TBC1D32: variants seen among roughly 807,000 people sequenced by gnomAD.
TBC1D32 encodes TBC1 domain family member 32.
Under a neutral mutation model 170.3 loss-of-function variants are expected in TBC1D32, and 151 were observed. That is an observed-to-expected ratio of 0.89 (90% confidence interval 0.78 to 1.01). The LOEUF (loss-of-function observed/expected upper bound fraction) is 1.01. Ranked by LOEUF, TBC1D32 falls within the 50% of genes least tolerant of loss-of-function variation. TBC1D32 has a pLI of 0.00. For synonymous variants in TBC1D32, 498 were observed against 488.0 expected (o/e 1.02, Z -0.27); for missense variants, 1,464 against 1,457.1 (o/e 1.00, Z -0.08).
At chr6:121,161,384 G>T (rs1785632104) in intron 22 of TBC1D32, among the ~76,000 whole-genome samples, 1 of 152,090 alleles carries the variant, frequency 6.6e-6, no homozygotes, top group Non-Finnish European at 1.5e-5. Context: ...CCCAGTGTGT[G>T]TTGTTCCCCA....
At chr6:121,227,849 GA>G (rs1795261207) in intron 20 of TBC1D32, among the ~76,000 whole-genome samples, 1 of 152,086 alleles carries the variant, frequency 6.6e-6, no homozygotes, top group Admixed American at 6.6e-5. Context: ...CCTGTTTTCT[GA>G]AAAAGCTTGT....
intron 29 of TBC1D32, among the ~76,000 whole-genome samples, chr6:121,108,501 A>G (rs1361711420): frequency 6.6e-6 from 1 of 152,074 alleles, no homozygotes; most frequent in African/African-American, 2.4e-5. Context: ...ATAGTCTAAT[A>G]TATAAACTAC....
chr6:121,270,025 T>C lies in TBC1D32; in HGVS notation c.1733+9096A>G, dbSNP rs563329733. 2.1e-3 allele frequency among the ~76,000 whole-genome samples: 317 copies of C among 151,926 alleles called. 1 individual carries two copies. Among genetic ancestry groups the C allele is most frequent in the African/African-American group, 7.4e-3 (305 of 41,436 alleles). ...TCCTGAATGACTACTGGGTACATAA[T>C]GAAATGAAGGCAGAAATAAAGATGT... On this transcript the variant is annotated intron_variant, in intron 15 of 31. Transcript: ENST00000398212.
Position 121,105,993 on chromosome 6 carries a change from T to A in TBC1D32, c.3465+30A>T, listed in dbSNP as rs1260789496. 6 of 1,552,656 alleles carry A rather than the reference T, an allele frequency of 3.9e-6. No homozygotes were observed. The Admixed American group carries it at 8.7e-5, about 22-fold the overall frequency. ...ATTTGAAGACACTGAGATAAAGGAG[T>A]TGGAGAAATGCTACTCCCTTATGGA... On this transcript the variant is annotated intron_variant, in intron 30 of 31. Coordinates refer to ENST00000398212, the MANE Select transcript of TBC1D32 (RefSeq NM_152730.6).
intron 24 of TBC1D32, among the ~76,000 whole-genome samples, chr6:121,148,826 C>T (rs1393874577): frequency 6.6e-6 from 1 of 152,038 alleles, no homozygotes; most frequent in Non-Finnish European, 1.5e-5. Flanking sequence ...GTTGGCCAGG[C>T]TGGTGTTGAA....
At chr6:121,111,922 T>C (rs1779243874) in intron 29 of TBC1D32, among the ~76,000 whole-genome samples, 1 of 152,034 alleles carries the variant, frequency 6.6e-6, no homozygotes, top group African/African-American at 2.4e-5. Context: ...TAGTTGGAAA[T>C]CTTAACAGCA....
In TBC1D32 at chr6:121,255,418, A is replaced by C; in HGVS notation, c.1936-8T>G. 1.4e-6 allele frequency: 2 copies of C among 1,424,588 alleles called. No individual in the cohort carries two copies. The highest frequency in any genetic ancestry group is 1.9e-6 in the Non-Finnish European group (2 of 1,057,688). 88.2% of individuals were successfully genotyped at this position (1,424,588 alleles called of 1,614,324 possible). ...TTCTGATAGCAAACTTGTCTAAAAAATAGTAGAATAATTTATATTGCTTAC... is the reference window on the plus strand; with the variant it reads ...TTCTGATAGCAAACTTGTCTAAAAACTAGTAGAATAATTTATATTGCTTAC... On this transcript the variant is annotated splice_polypyrimidine_tract_variant and splice_region_variant and intron_variant, in intron 16 of 31. Transcript: ENST00000398212.
At position 121,307,049 on chromosome 6, in the gene TBC1D32, A is replaced by G. The variant is rs1031904285; in HGVS notation, c.690+927T>C. 2.9e-4 allele frequency among the ~76,000 whole-genome samples: 44 copies of G among 151,744 alleles called. 1 individual carries two copies. The highest frequency in any genetic ancestry group is 9.7e-4 in the African/African-American group (40 of 41,308). ...TTTAAAATATTTTTCTTTTTTTTTA[A>G]TTTGAGAGTATCATAAAACAGCATC... On this transcript the variant is annotated intron_variant, in intron 5 of 31. Coordinates refer to ENST00000398212, the MANE Select transcript of TBC1D32 (RefSeq NM_152730.6).
At chr6:121,132,023 G>A (rs1436800610) in intron 24 of TBC1D32, among the ~76,000 whole-genome samples, 9 of 151,940 alleles carry the variant, frequency 5.9e-5, no homozygotes, top group Admixed American at 5.9e-4. Flanking sequence ...TTTCTTATAT[G>A]AATATGGCTC....
At chr6:121,084,989 AAG>A (rs1205785471) in intron 31 of TBC1D32, among the ~76,000 whole-genome samples, 1 of 151,824 alleles carries the variant, frequency 6.6e-6, no homozygotes, top group African/African-American at 2.4e-5. Context: ...GTTAAACTGG[AAG>A]AGTTGACTTT....
intron 15 of TBC1D32, among the ~76,000 whole-genome samples, chr6:121,270,546 C>T (rs952398245): frequency 2.0e-5 from 3 of 152,088 alleles, no homozygotes; most frequent in Non-Finnish European, 4.4e-5. Flanking sequence ...ATACACCCTC[C>T]CAAGACTAAA....
chr6:121,225,944 A>G lies in TBC1D32; in HGVS notation c.2365-2592T>C, dbSNP rs542027712. ...TAAAATTTAAAGTAGCACAAAACATAAATCTATGTCATCAATGTTTTGAAT... is the reference window on the plus strand; with the variant it reads ...TAAAATTTAAAGTAGCACAAAACATGAATCTATGTCATCAATGTTTTGAAT... On this transcript the variant is annotated intron_variant, in intron 20 of 31. Transcript: ENST00000398212. 3.3e-5 allele frequency among the ~76,000 whole-genome samples: 5 copies of G among 152,284 alleles called. No individual in the cohort carries two copies. In the South Asian group the frequency reaches 1.0e-3, roughly 32 times the overall value.
At chr6:121,273,391 C>G (rs1350184141) in intron 15 of TBC1D32, among the ~76,000 whole-genome samples, 12 of 146,292 alleles carry the variant, frequency 8.2e-5, no homozygotes, top group South Asian at 4.5e-4. Flanking sequence ...ATCACAGGGA[C>G]AGAAAACCAA....
chr6:121,306,376 G>A (rs370491904), intron 5 of TBC1D32, among the ~76,000 whole-genome samples: 4 of 151,994 alleles, frequency 2.6e-5, no homozygotes, highest in Non-Finnish European at 5.9e-5. Flanking sequence ...TTTATTTATC[G>A]TCTGTGTTAT....
intron 17 of TBC1D32, 52 bp downstream of exon 17, chr6:121,255,276 A>C: frequency 8.8e-7 from 1 of 1,135,586 alleles, no homozygotes; most frequent in Non-Finnish European, 1.2e-6. Flanking sequence ...AATAATTTTA[A>C]ATTTATTTCA....
At chr6:121,224,517 A>G (rs1412260934) in intron 20 of TBC1D32, 1 of 152,166 alleles carries the variant, frequency 6.6e-6, no homozygotes, top group East Asian at 1.9e-4. Context: ...CATTTAATAG[A>G]TGAAAAAAAT....
intron 22 of TBC1D32, among the ~76,000 whole-genome samples, chr6:121,194,413 T>G (rs1200498350): frequency 6.6e-6 from 1 of 152,188 alleles, no homozygotes; most frequent in East Asian, 1.9e-4. Flanking sequence ...CGGAGATTAG[T>G]GCCACCATGA....
intron 31 of TBC1D32, among the ~76,000 whole-genome samples, chr6:121,086,888 T>C (rs1376831514): frequency 6.6e-6 from 1 of 152,206 alleles, no homozygotes; most frequent in Non-Finnish European, 1.5e-5. Flanking sequence ...ACAGATGAGT[T>C]GAAAGAATAT....
intron 24 of TBC1D32, among the ~76,000 whole-genome samples, chr6:121,155,061 G>T (rs1784705542): frequency 6.6e-6 from 1 of 152,108 alleles, no homozygotes; most frequent in Non-Finnish European, 1.5e-5. Flanking sequence ...TTTTAATAGG[G>T]ATAGCACTGA....
Sources: gnomAD v4.1 joint callset for allele counts (sites outside exome capture counted in the v4.1 genomes callset) on GRCh38, gnomAD v4.1.1 for gene constraint, MANE v1.5 for transcripts, NCBI Gene and HGNC (gene_info 2026-07-23, HGNC 2026-07-21) for gene names.